TMED3: variants seen among roughly 807,000 people sequenced by gnomAD.
TMED3 encodes the protein transmembrane emp24 domain-containing protein 3.
A neutral mutation model predicts 15.0 loss-of-function variants in TMED3; 9 were observed. The observed-to-expected ratio is 0.60, with a 90% CI of 0.36 to 1.04. TMED3 has a LOEUF of 1.04. Among genes scored for constraint, TMED3 ranks in the 50% least tolerant of loss-of-function variants. The probability of loss-of-function intolerance (pLI) is 0.01; values close to 1 mark genes in which losing one functional copy is unlikely to be tolerated. For missense variants in TMED3, 267 were observed against 278.9 expected, an observed-to-expected ratio of 0.96 and a Z score of 0.30; for synonymous variants, 117 against 121.4, an observed-to-expected ratio of 0.96 and a Z score of 0.24.
intron 2 of TMED3, among the ~76,000 whole-genome samples, chr15:79,387,513 T>C (rs976117910): frequency 2.0e-5 from 3 of 152,204 alleles, no homozygotes; most frequent in Non-Finnish European, 4.4e-5. Context: ...CATGGGTGTC[T>C]TGGCTATTCT....
At chr15:79,323,943 T>C (rs1472740177), downstream of TMED3, among the ~76,000 whole-genome samples, 7 of 152,260 alleles carry the variant, frequency 4.6e-5, no homozygotes, top group Non-Finnish European at 1.0e-4. Context: ...GTTTATGTTT[T>C]GATCAATTAG....
chr15:79,317,691 C>G (rs2058746872), intron 2 of TMED3, among the ~76,000 whole-genome samples: 1 of 152,168 alleles, frequency 6.6e-6, no homozygotes, highest in Non-Finnish European at 1.5e-5. Context: ...GTGTGTGTCT[C>G]CATCCCTCCC....
chr15:79,383,367 G>A, intron 2 of TMED3: 2 of 245,590 alleles, frequency 8.1e-6, no homozygotes, highest in South Asian at 1.1e-4. Flanking sequence ...AGTTTGGAAG[G>A]TCCCTCACAC....
chr15:79,377,305 A>T (rs1409819160), intron 2 of TMED3, among the ~76,000 whole-genome samples: 2 of 148,234 alleles, frequency 1.3e-5, no homozygotes, highest in Non-Finnish European at 3.0e-5. Context: ...TGTGAGAGAG[A>T]GAGAGAGAGA....
intron 2 of TMED3, among the ~76,000 whole-genome samples, chr15:79,372,998 T>A (rs781366668): frequency 6.6e-6 from 1 of 152,244 alleles, no homozygotes; most frequent in African/African-American, 2.4e-5. Context: ...TTTATCTGTA[T>A]GGGATTCTCC....
chr15:79,390,267 A>T (rs999545521), intron 2 of TMED3, among the ~76,000 whole-genome samples: 5 of 152,184 alleles, frequency 3.3e-5, no homozygotes, highest in Non-Finnish European at 7.3e-5. Context: ...TGTCACTTGT[A>T]TGCTGATTTT....
chr15:79,339,846 GTGA>G (rs2058844434), intron 2 of TMED3, among the ~76,000 whole-genome samples: 1 of 151,090 alleles, frequency 6.6e-6, no homozygotes, highest in Non-Finnish European at 1.5e-5. Flanking sequence ...GATGATGGTG[GTGA>G]TTAGGATGAT....
intron 1 of TMED3, among the ~76,000 whole-genome samples, chr15:79,312,862 G>A (rs1286944106): frequency 6.6e-6 from 1 of 152,164 alleles, no homozygotes; most frequent in East Asian, 1.9e-4. Flanking sequence ...GGTGGGGGGA[G>A]GGGGAACACC....
chr15:79,394,000 T>G (rs1398756165), intron 2 of TMED3, among the ~76,000 whole-genome samples: 1 of 152,164 alleles, frequency 6.6e-6, no homozygotes, highest in East Asian at 1.9e-4. Context: ...CCCGGCCCAT[T>G]TAGACATTTC....
chr15:79,317,192 G>T (rs2058744177), intron 2 of TMED3, among the ~76,000 whole-genome samples: 1 of 152,150 alleles, frequency 6.6e-6, no homozygotes. Context: ...TCCTTTAAAG[G>T]CCACGAGGCC....
intron 2 of TMED3, among the ~76,000 whole-genome samples, chr15:79,371,654 T>C (rs1393055589): frequency 6.6e-6 from 1 of 152,158 alleles, no homozygotes; most frequent in African/African-American, 2.4e-5. Flanking sequence ...ACTGTCTTCA[T>C]GCAACTGAGT....
chr15:79,343,438 C>G (rs1488873716), intron 2 of TMED3, among the ~76,000 whole-genome samples: 3 of 152,340 alleles, frequency 2.0e-5, no homozygotes, highest in African/African-American at 2.4e-5. Context: ...ATAATATATG[C>G]TCTTTCATTT....
intron 2 of TMED3, among the ~76,000 whole-genome samples, chr15:79,353,190 T>TATTATATATATTATAA (rs1373529043): frequency 7.5e-5 from 4 of 53,260 alleles, no homozygotes; most frequent in South Asian, 5.7e-4. Flanking sequence ...ATAAAATATA[T>TATTATATATATTATAA]ATAATATATA....
chr15:79,408,680 T>C (rs1397804408), intron 2 of TMED3, among the ~76,000 whole-genome samples: 1 of 152,104 alleles, frequency 6.6e-6, no homozygotes, highest in African/African-American at 2.4e-5. Context: ...TCTGGGATGG[T>C]CAATTCTGTG....
chr15:79,314,178 C>G (rs1250221649), intron 2 of TMED3, among the ~76,000 whole-genome samples, 173 bp downstream of exon 2: 2 of 152,224 alleles, frequency 1.3e-5, no homozygotes, highest in East Asian at 3.9e-4. Context: ...CCATGCTCTT[C>G]TTTCGATCTT....
At chr15:79,384,294 T>C (rs1232078714) in intron 2 of TMED3, 1 of 152,256 alleles carries the variant, frequency 6.6e-6, no homozygotes, top group African/African-American at 2.4e-5. Flanking sequence ...GATATTCGTA[T>C]AGTTTTCTTG....
intron 2 of TMED3, among the ~76,000 whole-genome samples, chr15:79,351,389 G>A (rs1283965407): frequency 6.6e-6 from 1 of 152,136 alleles, no homozygotes; most frequent in Non-Finnish European, 1.5e-5. Flanking sequence ...TACATGATCA[G>A]TTTTATAATT....
chr15:79,360,714 A>G (rs942826361), intron 2 of TMED3, among the ~76,000 whole-genome samples: 1 of 152,142 alleles, frequency 6.6e-6, no homozygotes, highest in Non-Finnish European at 1.5e-5. Context: ...TGTCCACTCT[A>G]CGTGTCGTGA....
chr15:79,325,079 A>G (rs1412986797), downstream of TMED3, among the ~76,000 whole-genome samples: 2 of 152,212 alleles, frequency 1.3e-5, no homozygotes, highest in African/African-American at 4.8e-5. Flanking sequence ...CACATCTGCT[A>G]GCTCACATAG....
Sources: allele counts gnomAD v4.1 joint callset (sites outside exome capture counted in the v4.1 genomes callset), GRCh38; gene constraint gnomAD v4.1.1; transcripts MANE v1.5; gene names NCBI Gene and HGNC (gene_info 2026-07-23, HGNC 2026-07-21).